FOXO1: variants seen among roughly 807,000 people sequenced by gnomAD.
The protein encoded by FOXO1 is forkhead box protein O1.
FOXO1 carries 6 observed loss-of-function variants against 44.1 expected under a neutral mutation model. The observed-to-expected ratio is 0.14, with a 90% CI of 0.07 to 0.27. The LOEUF is 0.27. Among genes scored for constraint, FOXO1 ranks in the 10% least tolerant of loss-of-function variants. FOXO1 has a pLI of 1.00. For synonymous variants in FOXO1, 380 were observed against 362.7 expected, an observed-to-expected ratio of 1.05 and a Z score of -0.54; for missense variants, 737 against 888.8, an observed-to-expected ratio of 0.83 and a Z score of 2.17.
chr13:40,594,096 G>C (rs1443095813), intron 1 of FOXO1, among the ~76,000 whole-genome samples: 3 of 152,138 alleles, frequency 2.0e-5, no homozygotes, highest in Non-Finnish European at 4.4e-5. Context: ...TCTTCAGTTT[G>C]AAACACTTCC....
At chr13:40,602,659 T>C (rs1054629047) in intron 1 of FOXO1, among the ~76,000 whole-genome samples, 7 of 152,246 alleles carry the variant, frequency 4.6e-5, no homozygotes, top group East Asian at 1.9e-4. Context: ...TTAAAATGGT[T>C]GTTTTAATTT....
chr13:40,561,528 T>C lies in FOXO1; in HGVS notation c.631-668A>G, dbSNP rs192149274. Reference sequence around the variant, plus strand: ...AATAGTACTCTGTATCAAAGTGCTATCAAAAACCCCTTCCATTCTACTATC... The same window carrying C: ...AATAGTACTCTGTATCAAAGTGCTACCAAAAACCCCTTCCATTCTACTATC... On this transcript the variant is annotated intron_variant, in intron 1 of 2. Coordinates refer to ENST00000379561, the MANE Select transcript of FOXO1 (RefSeq NM_002015.4). Among the ~76,000 whole-genome samples the C allele has an allele frequency of 5.6e-3, 851 of 152,192 alleles. 5 individuals carry two copies. The highest frequency in any genetic ancestry group is 8.3e-3 in the Non-Finnish European group (565 of 67,992).
intron 1 of FOXO1, among the ~76,000 whole-genome samples, chr13:40,655,099 G>C (rs1355184745): frequency 1.3e-5 from 2 of 152,134 alleles, no homozygotes; most frequent in Non-Finnish European, 2.9e-5. Flanking sequence ...ACTTTGGGAG[G>C]CCAAGGTGGG....
chr13:40,611,480 G>A (rs1216485775), intron 1 of FOXO1, among the ~76,000 whole-genome samples: 1 of 152,118 alleles, frequency 6.6e-6, no homozygotes, highest in Non-Finnish European at 1.5e-5. Flanking sequence ...AATATTCATC[G>A]CTTCTGCTGA....
chr13:40,648,137 C>A lies in FOXO1; in HGVS notation c.630+17446G>T, dbSNP rs552376791. On this transcript the variant is annotated intron_variant, in intron 1 of 2. Transcript: ENST00000379561. ...TTTAATTATTGGCTCAGTCAAAGAA[C>A]CTACAGTAGAGGAAAGCCATATTGT... 3.3e-5 allele frequency among the ~76,000 whole-genome samples: 5 copies of A among 152,200 alleles called. No individual in the cohort carries two copies. The South Asian group carries it at 1.0e-3, about 32-fold the overall frequency.
chr13:40,621,607 T>C (rs1876621102), intron 1 of FOXO1, among the ~76,000 whole-genome samples: 1 of 152,212 alleles, frequency 6.6e-6, no homozygotes, highest in Non-Finnish European at 1.5e-5. Context: ...TGTTTTTATT[T>C]TGGTAATTTT....
At chr13:40,610,814 C>T (rs1161024393) in intron 1 of FOXO1, among the ~76,000 whole-genome samples, 1 of 152,166 alleles carries the variant, frequency 6.6e-6, no homozygotes, top group East Asian at 1.9e-4. Context: ...TTGTAACCAA[C>T]GAATACCCTG....
chr13:40,589,915 G>T (rs1014521251), intron 1 of FOXO1, among the ~76,000 whole-genome samples: 4 of 152,206 alleles, frequency 2.6e-5, no homozygotes, highest in Non-Finnish European at 4.4e-5. Context: ...TTTAAAGGGT[G>T]ATGGGAAACA....
intron 1 of FOXO1, among the ~76,000 whole-genome samples, chr13:40,582,544 G>A (rs537310283): frequency 3.9e-5 from 6 of 152,242 alleles, no homozygotes; most frequent in Admixed American, 1.3e-4. Context: ...CCCTGCCACC[G>A]CTTTATGTAA....
intron 1 of FOXO1, among the ~76,000 whole-genome samples, chr13:40,583,988 T>G (rs1352579501): frequency 1.3e-5 from 2 of 152,170 alleles, no homozygotes; most frequent in Non-Finnish European, 2.9e-5. Flanking sequence ...GACTCTTCCT[T>G]TTATTTGAAC....
chr13:40,599,218 A>G (rs1337500220), intron 1 of FOXO1, among the ~76,000 whole-genome samples: 1 of 90,942 alleles, frequency 1.1e-5, no homozygotes, highest in Admixed American at 1.0e-4. Flanking sequence ...AAACACGCTG[A>G]AAAAAAAAAA....
chr13:40,638,186 G>T (rs1427387410), intron 1 of FOXO1, among the ~76,000 whole-genome samples: 1 of 152,162 alleles, frequency 6.6e-6, no homozygotes, highest in African/African-American at 2.4e-5. Context: ...TTGGTTTAGG[G>T]TCAGTTTAGT....
chr13:40,590,892 T>C (rs1419719522), intron 1 of FOXO1, among the ~76,000 whole-genome samples: 1 of 152,214 alleles, frequency 6.6e-6, no homozygotes, highest in Non-Finnish European at 1.5e-5. Context: ...CGCTACACTT[T>C]ACGAGCTGGC....
chr13:40,614,477 A>G (rs529763473), intron 1 of FOXO1, among the ~76,000 whole-genome samples: 4 of 152,364 alleles, frequency 2.6e-5, no homozygotes, highest in African/African-American at 9.6e-5. Context: ...GCCTGAAAAC[A>G]TGGTCAATGA....
intron 1 of FOXO1, among the ~76,000 whole-genome samples, chr13:40,575,934 A>G (rs1246512725): frequency 5.9e-5 from 9 of 152,234 alleles, no homozygotes. Context: ...GCATGAACCA[A>G]TGTTGACAGA....
intron 1 of FOXO1, among the ~76,000 whole-genome samples, chr13:40,612,375 G>A (rs972885860): frequency 8.5e-5 from 13 of 152,176 alleles, no homozygotes; most frequent in Admixed American, 7.2e-4. Context: ...AAGATAAAGT[G>A]CCATGTATGA....
At chr13:40,646,532 A>C (rs967616644) in intron 1 of FOXO1, among the ~76,000 whole-genome samples, 2 of 152,112 alleles carry the variant, frequency 1.3e-5, no homozygotes, top group Non-Finnish European at 2.9e-5. Flanking sequence ...ATTCTAGCTT[A>C]ACCAATTTCC....
chr13:40,561,753 G>C (rs1593378434), intron 1 of FOXO1, among the ~76,000 whole-genome samples: 1 of 152,062 alleles, frequency 6.6e-6, no homozygotes, highest in African/African-American at 2.4e-5. Flanking sequence ...CAGATCACCT[G>C]AGGTCAGGAG....
intron 2 of FOXO1, 133 bp downstream of exon 2, chr13:40,559,376 G>GA: frequency 1.3e-6 from 1 of 774,372 alleles, no homozygotes; most frequent in South Asian, 2.2e-5. Flanking sequence ...GACAGAGAAT[G>GA]AATGATAAAA....
Sources: allele counts gnomAD v4.1 joint callset (sites outside exome capture counted in the v4.1 genomes callset), GRCh38; gene constraint gnomAD v4.1.1; transcripts MANE v1.5; gene names NCBI Gene and HGNC (gene_info 2026-07-23, HGNC 2026-07-21).